KDM6A: variants seen among roughly 807,000 people sequenced by gnomAD.
KDM6A encodes lysine demethylase 6A, also known as lysine-specific demethylase 6A.
KDM6A carries 11 observed loss-of-function variants against 117.6 expected under a neutral mutation model. The ratio of observed to expected loss-of-function variants is 0.09; its 90% CI spans 0.06 to 0.15. The LOEUF (loss-of-function observed/expected upper bound fraction) is 0.15. KDM6A is among the 10% of genes least tolerant of loss of function. The pLI is 1.00. For missense variants in KDM6A, 799 were observed against 1,077.3 expected (o/e 0.74, Z 3.62); for synonymous variants, 384 against 396.1 (o/e 0.97, Z 0.36).
intron 2 of KDM6A, among the ~76,000 whole-genome samples, chrX:44,953,248 G>T (rs1193525372): frequency 9.0e-6 from 1 of 111,010 alleles, no homozygotes. Flanking sequence ...CTTAGTCCAG[G>T]AGAGTTACTG....
chrX:44,886,111 G>A (rs2032843963), intron 2 of KDM6A, among the ~76,000 whole-genome samples: 2 of 109,381 alleles, frequency 1.8e-5, no homozygotes, highest in South Asian at 7.9e-4. Flanking sequence ...AGGGTGGAGT[G>A]CAGTGGTGCA....
intron 2 of KDM6A, among the ~76,000 whole-genome samples, chrX:44,956,196 T>C (rs1459162305): frequency 8.9e-6 from 1 of 111,939 alleles, no homozygotes; most frequent in Non-Finnish European, 1.9e-5. Flanking sequence ...AGTTTCCACA[T>C]CCTTTACCAA....
chrX:44,920,374 C>G (rs1395659417), intron 2 of KDM6A, among the ~76,000 whole-genome samples: 1 of 112,032 alleles, frequency 8.9e-6, no homozygotes, highest in Non-Finnish European at 1.9e-5. Context: ...CTGAAATTCA[C>G]TGTGATATTA....
chrX:44,950,220 T>G (rs2037907993), intron 2 of KDM6A, among the ~76,000 whole-genome samples: 1 of 110,616 alleles, frequency 9.0e-6, no homozygotes, highest in African/African-American at 3.3e-5. Flanking sequence ...TTCACCATAT[T>G]GGCCAGCCTG....
At chrX:45,039,691 G>A (rs2042975262) in intron 8 of KDM6A, among the ~76,000 whole-genome samples, 1 of 75,493 alleles carries the variant, frequency 1.3e-5, no homozygotes, top group Non-Finnish European at 2.5e-5. Context: ...GGGTACTTAA[G>A]ATTAGGGAGT....
chrX:44,881,929 C>G (rs1441221161), intron 2 of KDM6A, among the ~76,000 whole-genome samples: 1 of 110,502 alleles, frequency 9.0e-6, no homozygotes, highest in Non-Finnish European at 1.9e-5. Context: ...CTCAGTTGAT[C>G]CCCCCGCGTC....
intron 1 of KDM6A, 68 bp downstream of exon 1, chrX:44,873,780 G>A (rs1385870420): frequency 8.7e-6 from 10 of 1,150,794 alleles, no homozygotes; most frequent in Non-Finnish European, 1.2e-5. Flanking sequence ...GGAGGACCGA[G>A]CGCGGCTTGT....
intron 2 of KDM6A, among the ~76,000 whole-genome samples, chrX:44,948,851 G>C (rs1198360229): frequency 8.9e-6 from 1 of 111,777 alleles, no homozygotes; most frequent in African/African-American, 3.3e-5. Context: ...CAGCACCGCT[G>C]GTGGAAGGTT....
At chrX:45,083,409 C>T (rs745777102) in intron 23 of KDM6A, 51 bp from the exon 24 acceptor site, 5 of 1,137,227 alleles carry the variant, frequency 4.4e-6, no homozygotes, top group Non-Finnish European at 6.0e-6. Context: ...TGGTAAACTT[C>T]CACAGGTATT....
At chrX:45,051,913 A>G (rs954090022) in intron 9 of KDM6A, 111 bp downstream of exon 9, 9 of 476,160 alleles carry the variant, frequency 1.9e-5, no homozygotes, top group Non-Finnish European at 2.9e-5. Context: ...CTCAGAGTTG[A>G]TAAAATTATT....
At chrX:45,049,068 T>A in intron 8 of KDM6A, among the ~76,000 whole-genome samples, 1 of 111,315 alleles carries the variant, frequency 9.0e-6, no homozygotes, top group Non-Finnish European at 1.9e-5. Context: ...ATTCCAAGAG[T>A]AAGATTGCTA....
chrX:45,047,947 G>T (rs867485237), intron 8 of KDM6A, among the ~76,000 whole-genome samples: 1 of 108,667 alleles, frequency 9.2e-6, no homozygotes, highest in South Asian at 3.9e-4. Context: ...ATCACCTAAG[G>T]TCAGGAGTTC....
chrX:45,034,865 G>A, intron 6 of KDM6A, 66 bp from the exon 7 acceptor site: 2 of 892,049 alleles, frequency 2.2e-6, no homozygotes, highest in East Asian at 3.1e-5. Context: ...TACCTGAAAA[G>A]TATCTTAAGA....
At chrX:44,983,301 T>G (rs1006679150) in intron 4 of KDM6A, among the ~76,000 whole-genome samples, 1 of 111,862 alleles carries the variant, frequency 8.9e-6, no homozygotes, top group African/African-American at 3.3e-5. Context: ...TTTCTGACTT[T>G]CCGGTGGCTT....
At chrX:45,016,006 A>G (rs1053578479) in intron 5 of KDM6A, among the ~76,000 whole-genome samples, 7 of 111,914 alleles carry the variant, frequency 6.3e-5, no homozygotes, top group Non-Finnish European at 1.1e-4. Flanking sequence ...TGAATAATCC[A>G]GGGTATGACA....
intron 2 of KDM6A, among the ~76,000 whole-genome samples, chrX:44,888,969 C>T (rs2033120185): frequency 8.9e-6 from 1 of 111,866 alleles, no homozygotes; most frequent in Admixed American, 9.6e-5. Context: ...TAGCAAGAGT[C>T]GCTTGGCATC....
intron 2 of KDM6A, among the ~76,000 whole-genome samples, chrX:44,892,421 G>A (rs1304842740): frequency 8.9e-6 from 1 of 111,778 alleles, no homozygotes; most frequent in African/African-American, 3.3e-5. Context: ...GGGCGTGGTG[G>A]CTCACGCCTG....
intron 2 of KDM6A, among the ~76,000 whole-genome samples, chrX:44,953,438 A>G (rs1296615820): frequency 3.6e-5 from 4 of 112,172 alleles, no homozygotes; most frequent in East Asian, 2.8e-4. Flanking sequence ...TACGGGTTCT[A>G]TTAACAAAGA....
rs1359321499 is a variant in KDM6A at position 45,089,936 on chromosome X, A to G, written c.3892+6A>G. ...GAATGTTGGTCCACTTACAGGTATT[A>G]TAAAGAATATGCTTTAAAAAAGTTA... On this transcript the variant is annotated splice_donor_region_variant and intron_variant, in intron 26 of 29. Coordinates refer to ENST00000611820, the MANE Select transcript of KDM6A (RefSeq NM_001291415.2). 1 of 1,194,815 alleles carries G rather than the reference A, an allele frequency of 8.4e-7. No individual in the cohort carries two copies. The highest frequency in any genetic ancestry group is 1.1e-6 in the Non-Finnish European group (1 of 881,049).
Sources: allele counts gnomAD v4.1 joint callset (sites outside exome capture counted in the v4.1 genomes callset), GRCh38; gene constraint gnomAD v4.1.1; transcripts MANE v1.5; gene names NCBI Gene and HGNC (gene_info 2026-07-23, HGNC 2026-07-21).